LCOR: variants seen among roughly 807,000 people sequenced by gnomAD.
LCOR encodes ligand-dependent corepressor.
LCOR carries 14 observed loss-of-function variants against 64.4 expected under a neutral mutation model. The ratio of observed to expected loss-of-function variants is 0.22; its 90% CI spans 0.14 to 0.34. The LOEUF is 0.34. Ranked by LOEUF, LCOR falls within the 10% of genes least tolerant of loss-of-function variation. LCOR has a pLI of 1.00. For missense variants in LCOR, 1,686 were observed against 1,765.3 expected, an observed-to-expected ratio of 0.96 and a Z score of 0.80; for synonymous variants, 643 against 642.5, an observed-to-expected ratio of 1.00 and a Z score of -0.01.
At chr10:96,858,135 C>T (rs921198085) in intron 2 of LCOR, among the ~76,000 whole-genome samples, 2 of 152,142 alleles carry the variant, frequency 1.3e-5, no homozygotes, top group Admixed American at 6.5e-5. Context: ...AGGAATTGTG[C>T]ATTTGAGAAC....
chr10:96,875,248 G>T (rs1675978607), intron 2 of LCOR, among the ~76,000 whole-genome samples: 1 of 151,994 alleles, frequency 6.6e-6, no homozygotes, highest in African/African-American at 2.4e-5. Flanking sequence ...GCCGAGCGTG[G>T]TGGCAGGTGC....
chr10:96,899,023 G>A (rs1464917634), intron 2 of LCOR, among the ~76,000 whole-genome samples: 1 of 152,122 alleles, frequency 6.6e-6, no homozygotes, highest in Non-Finnish European at 1.5e-5. Flanking sequence ...GAATAGAATT[G>A]TGACTAACCG....
chr10:96,971,706 G>A (rs542459170), intron 7 of LCOR, among the ~76,000 whole-genome samples: 2 of 152,224 alleles, frequency 1.3e-5, no homozygotes, highest in African/African-American at 2.4e-5. Context: ...ATAATGTGAC[G>A]CTGACTCTAA....
At chr10:96,930,720 G>T (rs1303272495) in intron 4 of LCOR, among the ~76,000 whole-genome samples, 1 of 152,188 alleles carries the variant, frequency 6.6e-6, no homozygotes, top group African/African-American at 2.4e-5. Context: ...AAGAGGTGGG[G>T]CCTTTTAAGA....
rs903337121 is a variant in LCOR, at chr10:96,987,913, C to T, written c.*2779C>T. 1 of 152,206 alleles carries T rather than the reference C, an allele frequency of 6.6e-6. No individual in the cohort carries two copies. The highest frequency in any genetic ancestry group is 1.5e-5 in the Non-Finnish European group (1 of 68,054). The allele number at this position is 152,206 out of a possible 1,614,324, so 9.4% of individuals were successfully genotyped here. ...CCATCTTCAAGAATGGCTTACCACA[C>T]CAGATGCAAAAGCAGTCCATCCCAC... On this transcript the variant is annotated 3_prime_UTR_variant, in exon 8 of 8. Coordinates refer to ENST00000421806, the MANE Select transcript of LCOR (RefSeq NM_001346516.2).
chr10:96,869,212 TTTTG>T (rs954332484), intron 2 of LCOR, among the ~76,000 whole-genome samples: 5 of 152,040 alleles, frequency 3.3e-5, no homozygotes, highest in African/African-American at 1.2e-4. Context: ...TGGCCTGTTT[TTTTG>T]TTTGTTTTGG....
intron 2 of LCOR, among the ~76,000 whole-genome samples, chr10:96,860,287 A>C (rs955701998): frequency 1.3e-5 from 2 of 152,166 alleles, no homozygotes; most frequent in African/African-American, 4.8e-5. Flanking sequence ...TAAAATTAAG[A>C]TGAAGTCATA....
intron 7 of LCOR, chr10:96,960,103 T>C (rs1164759009): frequency 6.6e-6 from 1 of 152,162 alleles, no homozygotes; most frequent in Non-Finnish European, 1.5e-5. Flanking sequence ...GAACTCTAAA[T>C]TAGACTAAAA....
Position 96,982,058 on chromosome 10 carries a change from C to T in LCOR, c.1598C>T (p.Ala533Val). 6.2e-7 allele frequency: 1 copy of T among 1,614,168 alleles called. No homozygotes were observed. Among genetic ancestry groups the T allele is most frequent in the Non-Finnish European group, 8.5e-7 (1 of 1,180,022 alleles). ...LHSQEKASCS[A>V]LASEAVFTPK... ...TCCCAGGAAAAAGCAAGCTGCTCAG[C>T]ATTGGCATCAGAGGCAGTTTTCACT... Residue 533 changes from alanine (A) to valine (V), a missense_variant, in exon 8 of 8, where the codon GCA becomes GTA. This residue lies in a region of LCOR where 1,293 missense variants were observed against 1,410.4 expected (regional missense o/e 0.92). Coordinates refer to ENST00000421806, the MANE Select transcript of LCOR (RefSeq NM_001346516.2).
chr10:96,860,357 G>A (rs540426842), intron 2 of LCOR, among the ~76,000 whole-genome samples: 18 of 152,252 alleles, frequency 1.2e-4, no homozygotes, highest in South Asian at 4.2e-4. Context: ...GGGAAATGAG[G>A]ATACAGACAC....
chr10:96,929,487 GAGTT>G (rs1847220911), intron 4 of LCOR, among the ~76,000 whole-genome samples: 1 of 152,258 alleles, frequency 6.6e-6, no homozygotes. Context: ...GAATTGAAGA[GAGTT>G]AGAGCCTTGC....
At chr10:96,889,079 A>G (rs541281308) in intron 2 of LCOR, among the ~76,000 whole-genome samples, 3 of 152,344 alleles carry the variant, frequency 2.0e-5, no homozygotes, top group South Asian at 2.1e-4. Flanking sequence ...GTGTTGTACA[A>G]CCATTACCAC....
At chr10:96,912,800 T>G (rs1480139025) in intron 4 of LCOR, among the ~76,000 whole-genome samples, 4 of 152,168 alleles carry the variant, frequency 2.6e-5, no homozygotes, top group Non-Finnish European at 5.9e-5. Flanking sequence ...ATTACTGTGG[T>G]GTTGACCAAA....
chr10:96,837,257 T>A (rs1845461301), intron 2 of LCOR, among the ~76,000 whole-genome samples: 1 of 152,146 alleles, frequency 6.6e-6, no homozygotes, highest in Non-Finnish European at 1.5e-5. Flanking sequence ...CCCAAAGTGC[T>A]GGGATTACAG....
rs142927542 is a variant in LCOR, at chr10:96,915,351, T to G, written c.-184+7604T>G. Among the ~76,000 whole-genome samples the G allele has an allele frequency of 1.7e-3, 254 of 152,246 alleles. 4 individuals are homozygous for G. The East Asian group carries it at 0.042, about 25-fold the overall frequency. ...CTGGCCAACATGGTAAAACCGTGTC[T>G]CTACTAAAAATACAAAAAAATTAGC... is the stretch of plus-strand genomic sequence containing the variant. On this transcript the variant is annotated intron_variant, in intron 4 of 7. Transcript: ENST00000421806.
intron 2 of LCOR, among the ~76,000 whole-genome samples, chr10:96,879,304 C>T (rs1012742924): frequency 1.3e-5 from 2 of 152,204 alleles, no homozygotes; most frequent in African/African-American, 4.8e-5. Flanking sequence ...GAACCCACCC[C>T]TTGAACCTCA....
chr10:96,879,724 C>T (rs763600863), intron 2 of LCOR, among the ~76,000 whole-genome samples: 14 of 152,068 alleles, frequency 9.2e-5, no homozygotes, highest in Non-Finnish European at 1.9e-4. Flanking sequence ...GTGCAGTGCG[C>T]GACGTTGGCG....
chr10:96,939,760 G>A (rs1397916132), intron 4 of LCOR, among the ~76,000 whole-genome samples: 1 of 152,182 alleles, frequency 6.6e-6, no homozygotes, highest in Non-Finnish European at 1.5e-5. Context: ...TCAGGAGATC[G>A]AGACCATCCT....
chr10:96,833,508 C>A, intron 2 of LCOR, 29 bp downstream of exon 2: 2 of 925,656 alleles, frequency 2.2e-6, no homozygotes, highest in Admixed American at 6.2e-5. Context: ...GTCTCCGCTC[C>A]GCCCGCCGCC....
Sources: allele counts gnomAD v4.1 joint callset (sites outside exome capture counted in the v4.1 genomes callset), GRCh38; gene constraint gnomAD v4.1.1; regional missense constraint gnomAD v4.1.1; transcripts MANE v1.5; gene names NCBI Gene and HGNC (gene_info 2026-07-23, HGNC 2026-07-21).